SHLD2: variants seen among roughly 807,000 people sequenced by gnomAD.
SHLD2 encodes the protein shieldin complex subunit 2.
Under a neutral mutation model 73.2 loss-of-function variants are expected in SHLD2, and 30 were observed. That is an observed-to-expected ratio of 0.41 (90% confidence interval 0.31 to 0.56). The LOEUF (loss-of-function observed/expected upper bound fraction) is 0.56, where lower values mean the gene tolerates loss of function less well. Ranked by LOEUF, SHLD2 falls within the 20% of genes least tolerant of loss-of-function variation. The pLI is 0.28. For synonymous variants in SHLD2, 285 were observed against 370.1 expected (o/e 0.77, Z 2.64); for missense variants, 745 against 1,055.9 (o/e 0.71, Z 4.08).
intron 4 of SHLD2, among the ~76,000 whole-genome samples, chr10:87,162,675 A>G (rs570258350): frequency 6.6e-6 from 1 of 152,270 alleles, no homozygotes; most frequent in Non-Finnish European, 1.5e-5. Flanking sequence ...GCCTGGCAAA[A>G]GGGAAAATGT....
At chr10:87,101,644 C>CA (rs1842273503) in intron 2 of SHLD2, among the ~76,000 whole-genome samples, 1 of 152,206 alleles carries the variant, frequency 6.6e-6, no homozygotes, top group Non-Finnish European at 1.5e-5. Flanking sequence ...CATGGTGGCT[C>CA]ACGCCTGTAA....
chr10:87,181,420 A>G (rs1848307498), intron 8 of SHLD2, among the ~76,000 whole-genome samples: 1 of 152,108 alleles, frequency 6.6e-6, no homozygotes, highest in Admixed American at 6.5e-5. Context: ...TATGTAACAA[A>G]CAACATTGAT....
At chr10:87,165,893 T>G (rs184861453) in intron 4 of SHLD2, among the ~76,000 whole-genome samples, 1 of 152,334 alleles carries the variant, frequency 6.6e-6, no homozygotes, top group Admixed American at 6.5e-5. Context: ...GCAACTTTTT[T>G]GTAAGTCTTA....
intron 2 of SHLD2, among the ~76,000 whole-genome samples, chr10:87,101,635 A>C (rs543699127): frequency 3.3e-5 from 5 of 152,208 alleles, no homozygotes; most frequent in Non-Finnish European, 7.3e-5. Context: ...TAGGCTGGGC[A>C]TGGTGGCTCA....
Position 87,180,127 on chromosome 10 carries a change from A to G in SHLD2, c.2223A>G (p.Ala741=). The G allele has an allele frequency of 2.5e-6, 4 of 1,613,914 alleles. No individual in the cohort carries two copies. The highest frequency in any genetic ancestry group is 3.4e-6 in the Non-Finnish European group (4 of 1,179,844). Residue 741 remains alanine, a synonymous_variant, in exon 8 of 10, where the codon GCA becomes GCG. Transcript: ENST00000298786. ...CAGAGCTGGCATTTCCTATTACAGC[A>G]TCTCAGAAGATAGCGCTAAATGCTC... ...QISELAFPIT[A]SQKIALNAHS...
chr10:87,120,202 G>C (rs933752323), intron 2 of SHLD2, among the ~76,000 whole-genome samples: 7 of 151,718 alleles, frequency 4.6e-5, no homozygotes, highest in African/African-American at 1.7e-4. Context: ...TCCCTCCCAA[G>C]GCTGCTGTAA....
At chr10:87,147,775 A>G (rs1845724450) in intron 2 of SHLD2, among the ~76,000 whole-genome samples, 1 of 152,110 alleles carries the variant, frequency 6.6e-6, no homozygotes, top group South Asian at 2.1e-4. Context: ...CGAAAAATGC[A>G]GATAATGGGC....
intron 2 of SHLD2, among the ~76,000 whole-genome samples, chr10:87,145,447 C>G (rs1486754744): frequency 2.0e-5 from 3 of 151,930 alleles, no homozygotes; most frequent in Non-Finnish European, 4.4e-5. Context: ...CCACATCTCT[C>G]TTGTTCCAAA....
At chr10:87,095,084 T>TGGGGAAGGGAGGGGAGGGGA (rs1841711702), upstream of SHLD2, 2 of 116,560 alleles carry the variant, frequency 1.7e-5, no homozygotes, top group Admixed American at 8.3e-5. Context: ...CGCGCGCCAG[T>TGGGGAAGGGAGGGGAGGGGA]GGGGAAGGGA....
At chr10:87,148,655 A>G (rs1396770489) in intron 2 of SHLD2, among the ~76,000 whole-genome samples, 1 of 151,736 alleles carries the variant, frequency 6.6e-6, no homozygotes, top group East Asian at 2.0e-4. Flanking sequence ...TGGCTGGATG[A>G]TAGCTTGAGC....
In SHLD2 at chr10:87,123,128, G is replaced by C. The variant is rs527297603; in HGVS notation, c.-6+26139G>C. Among the ~76,000 whole-genome samples the C allele has an allele frequency of 9.5e-4, 145 of 152,228 alleles. 1 individual carries two copies. The highest frequency in any genetic ancestry group is 1.5e-3 in the Non-Finnish European group (105 of 68,024). On this transcript the variant is annotated intron_variant, in intron 2 of 9. Transcript: ENST00000298786. ...GAGTTTCACCATGTTGGCTAGGCTG[G>C]TCTCGAACTCCTGACCTCAAGGCCT...
At chr10:87,095,506 C>CA (rs1841777477) in intron 1 of SHLD2, among the ~76,000 whole-genome samples, 1 of 152,144 alleles carries the variant, frequency 6.6e-6, no homozygotes, top group Non-Finnish European at 1.5e-5. Context: ...CAGGGGCTGA[C>CA]ACGTGGGCAG....
intron 2 of SHLD2, among the ~76,000 whole-genome samples, chr10:87,112,096 G>T (rs2134010002): frequency 6.6e-6 from 1 of 151,920 alleles, no homozygotes; most frequent in East Asian, 2.0e-4. Context: ...AAATTAGCTG[G>T]GTGTAGTGGC....
At chr10:87,112,931 T>A (rs1843020630) in intron 2 of SHLD2, among the ~76,000 whole-genome samples, 1 of 152,140 alleles carries the variant, frequency 6.6e-6, no homozygotes. Context: ...ACTACATATG[T>A]CCATACAAAT....
In SHLD2 at chr10:87,098,009, G is replaced by T. The variant is rs554140718; in HGVS notation, c.-6+1020G>T. 9.2e-5 allele frequency among the ~76,000 whole-genome samples: 14 copies of T among 152,022 alleles called. 1 individual carries two copies. Among genetic ancestry groups the T allele is most frequent in the African/African-American group, 2.9e-4 (12 of 41,470 alleles). On this transcript the variant is annotated intron_variant, in intron 2 of 9. Coordinates refer to ENST00000298786, the MANE Select transcript of SHLD2 (RefSeq NM_001330112.2). ...ACTCCTGGCCTCAAATGATCTGCCC[G>T]CCTTGGCCACCGAAAGTGCTGGGAT...
At position 87,135,184 on chromosome 10, in the gene SHLD2, T is replaced by G. The variant is rs189565647; in HGVS notation, c.-5-16166T>G. On this transcript the variant is annotated intron_variant, in intron 2 of 9. Transcript: ENST00000298786. ...TTTTTCCTATTTTTAACACCTTATA[T>G]TAGTATGGTATATTTGTTATAATTA... is the stretch of plus-strand genomic sequence containing the variant. Among the ~76,000 whole-genome samples the G allele has an allele frequency of 8.0e-3, 1,215 of 152,068 alleles. 8 individuals carry two copies. The highest frequency in any genetic ancestry group is 0.028 in the African/African-American group (1,146 of 41,530).
At chr10:87,123,710 G>T (rs189285849) in intron 2 of SHLD2, among the ~76,000 whole-genome samples, 1 of 152,170 alleles carries the variant, frequency 6.6e-6, no homozygotes, top group African/African-American at 2.4e-5. Context: ...GAGGTGTTTG[G>T]GTCATGAGGC....
Position 87,170,562 on chromosome 10 carries a change from C to T in SHLD2, c.1718C>T (p.Pro573Leu), listed in dbSNP as rs751441138. The part of the protein sequence containing the change: ...SKHSYLRDLP[P>L]RQPQRVNSID... ...CATTCCTACCTCAGAGATCTTCCTC[C>T]GAGGCAGCCTCAGAGGGTGAACAGT... is the stretch of plus-strand genomic sequence containing the variant. The change falls in exon 5 of 10, where the codon CCG (proline) becomes CTG (leucine). Residue 573 changes from proline (P) to leucine (L), a missense_variant. Pro to Leu is a moderately conservative substitution (Grantham distance 98, BLOSUM62 -3). Transcript: ENST00000298786. 4.0e-5 allele frequency: 64 copies of T among 1,613,174 alleles called. No homozygotes were observed. Among genetic ancestry groups the T allele is most frequent in the Middle Eastern group, 1.6e-4 (1 of 6,072 alleles).
At chr10:87,125,577 A>G (rs1843940703) in intron 2 of SHLD2, among the ~76,000 whole-genome samples, 1 of 152,216 alleles carries the variant, frequency 6.6e-6, no homozygotes, top group African/African-American at 2.4e-5. Context: ...TCTACTGAAA[A>G]TACAAAAAAA....
Sources: gnomAD v4.1 joint callset for allele counts (sites outside exome capture counted in the v4.1 genomes callset) on GRCh38, gnomAD v4.1.1 for gene constraint, MANE v1.5 for transcripts, NCBI Gene and HGNC (gene_info 2026-07-23, HGNC 2026-07-21) for gene names.